The following MACF1 variants were observed in gnomAD, a reference collection of about 807,000 sequenced individuals.
MACF1 encodes microtubule actin crosslinking factor 1.
MACF1 carries 193 observed loss-of-function variants against 854.8 expected under a neutral mutation model. That is an observed-to-expected ratio of 0.23 (90% CI 0.20 to 0.25). MACF1 has a LOEUF of 0.25. Among genes scored for constraint, MACF1 ranks in the 10% least tolerant of loss-of-function variants. The pLI is 1.00. For missense variants in MACF1, 7,722 were observed against 8,929.1 expected, an observed-to-expected ratio of 0.86 and a Z score of 5.45; for synonymous variants, 3,185 against 3,226.7, an observed-to-expected ratio of 0.99 and a Z score of 0.44.
chr1:39,454,962 A>G lies in MACF1; in HGVS notation c.20940A>G (p.Glu6980=). 6.2e-7 allele frequency: 1 copy of G among 1,614,162 alleles called. No individual in the cohort carries two copies. The highest frequency in any genetic ancestry group is 8.5e-7 in the Non-Finnish European group (1 of 1,180,014). ...HQQRLETALS[E]LVANAELLEE... is the part of the protein sequence containing the mutation. ...AGCGTCTTGAAACGGCCTTGTCAGA[A>G]CTGGTGGCTAATGCTGAGCTCCTGG... The change falls in exon 89 of 101, where the codon GAA becomes GAG. Residue 6980 remains glutamate (E), a synonymous_variant. Transcript: ENST00000564288.
chr1:39,347,287 G>A, intron 41 of MACF1, 77 bp downstream of exon 41: 2 of 1,099,560 alleles, frequency 1.8e-6, no homozygotes, highest in South Asian at 1.3e-5. Context: ...GCCAGACTCT[G>A]TGTATCATGA....
At chr1:39,179,958 T>C (rs1644083012) in intron 2 of MACF1, among the ~76,000 whole-genome samples, 1 of 151,806 alleles carries the variant, frequency 6.6e-6, no homozygotes, top group Non-Finnish European at 1.5e-5. Flanking sequence ...GAGGTTACAG[T>C]GAGCTGAGAT....
chr1:39,452,501 C>A, intron 86 of MACF1, 151 bp downstream of exon 86: 1 of 1,129,596 alleles, frequency 8.9e-7, no homozygotes, highest in Non-Finnish European at 1.3e-6. Flanking sequence ...TTTTAATATT[C>A]ATTTTGAGAA....
At chr1:39,435,788 CT>C in intron 70 of MACF1, 27 bp downstream of exon 70, 1 of 1,599,964 alleles carries the variant, frequency 6.3e-7, no homozygotes, top group Non-Finnish European at 8.6e-7. Flanking sequence ...CACTCATAAC[CT>C]TGAATTGTCT....
intron 58 of MACF1, among the ~76,000 whole-genome samples, chr1:39,389,339 T>A (rs920352449): frequency 1.8e-4 from 27 of 148,316 alleles, no homozygotes; most frequent in Admixed American, 4.1e-4. Context: ...TTCAGGTCTC[T>A]GGTTTTTGTG....
chr1:39,475,621 A>T (rs192914780), intron 97 of MACF1, among the ~76,000 whole-genome samples: 1 of 152,102 alleles, frequency 6.6e-6, no homozygotes, highest in Non-Finnish European at 1.5e-5. Flanking sequence ...ACAAGGGGGC[A>T]TGCACAGGCT....
In MACF1 at chr1:39,250,004, T is replaced by G; in HGVS notation, c.172-10T>G. On this transcript the variant is annotated splice_polypyrimidine_tract_variant and intron_variant, in intron 2 of 100. Transcript: ENST00000564288. ...AAATAAAAATCTGTCTGTTTCACTC[T>G]CATTCACAGGTCCGCAAGCACATCA... 1 of 1,557,018 alleles carries G rather than the reference T, an allele frequency of 6.4e-7. No homozygotes were observed. The highest frequency in any genetic ancestry group is 8.8e-7 in the Non-Finnish European group (1 of 1,131,220).
chr1:39,406,350 G>T (rs544951335), intron 58 of MACF1, among the ~76,000 whole-genome samples: 5 of 152,236 alleles, frequency 3.3e-5, no homozygotes, highest in South Asian at 4.2e-4. Context: ...ACATGGGAGG[G>T]AATTATTTAA....
At chr1:39,474,129 C>T (rs1441210677) in intron 97 of MACF1, among the ~76,000 whole-genome samples, 1 of 152,082 alleles carries the variant, frequency 6.6e-6, no homozygotes, top group African/African-American at 2.4e-5. Flanking sequence ...CAGCTCATGC[C>T]TGTAATCCCA....
At chr1:39,311,270 T>C (rs914208431) in intron 26 of MACF1, among the ~76,000 whole-genome samples, 4 of 152,240 alleles carry the variant, frequency 2.6e-5, no homozygotes, top group African/African-American at 9.6e-5. Flanking sequence ...GGGCTATGTA[T>C]TTTGAAACTG....
In MACF1 at chr1:39,322,629, A is replaced by T. The variant is rs758232490; in HGVS notation, c.4051A>T (p.Thr1351Ser). The change falls in exon 32 of 101, where the codon ACA becomes TCA. Residue 1351 changes from threonine to serine, a missense_variant. Physicochemically the swap from Thr to Ser is moderately conservative, Grantham distance 58. Coordinates refer to ENST00000564288, the MANE Select transcript of MACF1 (RefSeq NM_001394062.1). Reference sequence around the variant, plus strand: ...CTAGGACTATGAATTGCAACTGATGACATACAAGGCCTTTGTGGAATCGCA... The same window carrying T: ...CTAGGACTATGAATTGCAACTGATGTCATACAAGGCCTTTGTGGAATCGCA... ...IVKDYELQLM[T>S]YKAFVESQQK... 6 of 1,614,118 alleles carry T rather than the reference A, an allele frequency of 3.7e-6. No homozygotes were observed. Among genetic ancestry groups the T allele is most frequent in the Non-Finnish European group, 5.1e-6 (6 of 1,179,942 alleles).
At chr1:39,110,520 G>A (rs1571051911) in intron 2 of MACF1, among the ~76,000 whole-genome samples, 1 of 152,136 alleles carries the variant, frequency 6.6e-6, no homozygotes, top group Non-Finnish European at 1.5e-5. Context: ...TTACAGGCTT[G>A]AGCCACCGTG....
rs751738609 is a variant in MACF1, at chr1:39,332,601, G to A, written c.6013G>A (p.Val2005Met). 2 of 1,614,170 alleles carry A rather than the reference G, an allele frequency of 1.2e-6. No individual in the cohort carries two copies. Among genetic ancestry groups the A allele is most frequent in the African/African-American group, 1.3e-5 (1 of 75,050 alleles). The change falls in exon 37 of 101, where the codon GTG (valine) becomes ATG (methionine). Residue 2005 changes from valine (V) to methionine (M), a missense_variant. Val to Met is a conservative substitution (Grantham distance 21, BLOSUM62 1). This residue lies in a region of MACF1 where 1,531 missense variants were observed against 1,601.6 expected (regional missense o/e 0.96). Transcript: ENST00000564288. ...TGAGTATCAAACAAGTCCTCCAAAA[G>A]TGGTTGAAATTGGGCATCAAAGGCA... is the stretch of plus-strand genomic sequence containing the variant. ...RDEYQTSPPK[V>M]VEIGHQRQKT...
At chr1:39,142,425 A>T (rs1481214933) in intron 2 of MACF1, among the ~76,000 whole-genome samples, 3 of 152,182 alleles carry the variant, frequency 2.0e-5, no homozygotes, top group Non-Finnish European at 4.4e-5. Context: ...GTTAAAAAAA[A>T]TTTAACACCT....
chr1:39,373,093 T>G (rs1019037940), intron 52 of MACF1: 7 of 166,444 alleles, frequency 4.2e-5, no homozygotes, highest in African/African-American at 1.7e-4. Context: ...GATCACGAAG[T>G]CAGGAGATTG....
chr1:39,337,282 C>T lies in MACF1; in HGVS notation c.10166C>T (p.Pro3389Leu), dbSNP rs374733161. The change falls in exon 38 of 101, where the codon CCT becomes CTT. Residue 3389 changes from proline to leucine, a missense_variant. Coordinates refer to ENST00000564288, the MANE Select transcript of MACF1 (RefSeq NM_001394062.1). Reference protein sequence around the residue: ...NIEMRTKQIQPLELNLAELQD... With the variant: ...NIEMRTKQIQLLELNLAELQD... ...GAAATGAGGACCAAACAGATTCAAC[C>T]TTTGGAGCTAAACCTGGCAGAACTA... 16 of 1,614,078 alleles carry T rather than the reference C, an allele frequency of 9.9e-6. No homozygotes were observed. Among genetic ancestry groups the T allele is most frequent in the Non-Finnish European group, 1.4e-5 (16 of 1,179,970 alleles).
At position 39,331,452 on chromosome 1, in the gene MACF1, A is replaced by G; in HGVS notation, c.4864A>G (p.Ile1622Val). 6.2e-7 allele frequency: 1 copy of G among 1,614,150 alleles called. No homozygotes were observed. Among genetic ancestry groups the G allele is most frequent in the East Asian group, 2.2e-5 (1 of 44,874 alleles). ...GGAGCTACAGGATGCCCTGGCCTTA[A>G]TAAGCAGGCTTACTGAGAGCAGAGG... ...LRELQDALAL[I>V]SRLTESRGPL... The change falls in exon 37 of 101, where the codon ATA (isoleucine) becomes GTA (valine). Residue 1622 changes from isoleucine to valine, a missense_variant. Around this residue, in one of 15 missense-constraint regions of MACF1, gnomAD observed 1,531 missense variants for 1,601.6 expected, o/e 0.96. Coordinates refer to ENST00000564288, the MANE Select transcript of MACF1 (RefSeq NM_001394062.1).
chr1:39,412,029 G>A (rs1039099465), intron 58 of MACF1: 8 of 1,613,954 alleles, frequency 5.0e-6, no homozygotes, highest in Non-Finnish European at 6.8e-6. Context: ...AGTCCAGACA[G>A]CCAGCTGATC....
In MACF1 at chr1:39,324,686, C is replaced by T; in HGVS notation, c.4430C>T (p.Ser1477Phe). 6.2e-7 allele frequency: 1 copy of T among 1,613,770 alleles called. No individual in the cohort carries two copies. Among genetic ancestry groups the T allele is most frequent in the Non-Finnish European group, 8.5e-7 (1 of 1,179,784 alleles). Residue 1477 changes from serine to phenylalanine, a missense_variant, in exon 35 of 101, where the codon TCT becomes TTT. Transcript: ENST00000564288. ...EELTTKKEQV[S>F]EAIKTSQIFL... ...CTGACAACAAAGAAAGAACAAGTCTCTGAAGCTATTAAAACATCACAGATC... is the reference window on the plus strand; with the variant it reads ...CTGACAACAAAGAAAGAACAAGTCTTTGAAGCTATTAAAACATCACAGATC...
Sources: gnomAD v4.1 joint callset for allele counts (sites outside exome capture counted in the v4.1 genomes callset) on GRCh38, gnomAD v4.1.1 for gene constraint, gnomAD v4.1.1 regional missense constraint, MANE v1.5 for transcripts, NCBI Gene and HGNC (gene_info 2026-07-23, HGNC 2026-07-21) for gene names.